The following RNF11 variants were observed in gnomAD, a reference collection of about 807,000 sequenced individuals.
The protein encoded by RNF11 is ring finger protein 11.
In RNF11, 4 loss-of-function variants were observed where a neutral mutation model predicts 15.8. The observed-to-expected ratio is 0.25, with a 90% CI of 0.12 to 0.58. The LOEUF (loss-of-function observed/expected upper bound fraction) is 0.58. RNF11 is among the 20% of genes least tolerant of loss of function. The pLI is 0.91. For synonymous variants in RNF11, 68 were observed against 72.3 expected, an observed-to-expected ratio of 0.94 and a Z score of 0.30; for missense variants, 139 against 194.4, an observed-to-expected ratio of 0.71 and a Z score of 1.70.
At chr1:51,237,071 C>T (rs1646807151) in intron 1 of RNF11, among the ~76,000 whole-genome samples, 192 bp downstream of exon 1, 1 of 152,120 alleles carries the variant, frequency 6.6e-6, no homozygotes. Flanking sequence ...CCCTCGGGCA[C>T]CGTGTGGGGA....
At chr1:51,255,951 C>T (rs574616603) in intron 1 of RNF11, among the ~76,000 whole-genome samples, 10 of 151,972 alleles carry the variant, frequency 6.6e-5, no homozygotes, top group Admixed American at 6.6e-4. Flanking sequence ...ATTCTTAGTC[C>T]CTTGTATTTC....
At chr1:51,258,265 A>T (rs1449569562) in intron 1 of RNF11, among the ~76,000 whole-genome samples, 4 of 152,222 alleles carry the variant, frequency 2.6e-5, no homozygotes, top group African/African-American at 9.6e-5. Flanking sequence ...GGTTGACCAC[A>T]GTTAACTGAA....
At chr1:51,238,135 A>G (rs1021104609) in intron 1 of RNF11, among the ~76,000 whole-genome samples, 10 of 152,130 alleles carry the variant, frequency 6.6e-5, no homozygotes, top group African/African-American at 1.2e-4. Flanking sequence ...GTTTTGCTCC[A>G]GTTCCTCTCT....
At chr1:51,258,438 G>A (rs1646915229) in intron 1 of RNF11, among the ~76,000 whole-genome samples, 1 of 152,160 alleles carries the variant, frequency 6.6e-6, no homozygotes, top group African/African-American at 2.4e-5. Flanking sequence ...TTGGCTCAAA[G>A]GCAGTCACAG....
chr1:51,242,876 C>T (rs1646836465), intron 1 of RNF11, among the ~76,000 whole-genome samples: 1 of 152,124 alleles, frequency 6.6e-6, no homozygotes, highest in African/African-American at 2.4e-5. Flanking sequence ...AAAATATCTC[C>T]AAATTTATTT....
At chr1:51,257,853 C>CTTTTTTTTTTTTTTTTTTTTTTTTT (rs1245365473) in intron 1 of RNF11, among the ~76,000 whole-genome samples, 5 of 91,266 alleles carry the variant, frequency 5.5e-5, no homozygotes, top group African/African-American at 2.4e-4. Flanking sequence ...CTTTTCTTTT[C>CTTTTTTTTTTTTTTTTTTTTTTTTT]TTTTTTTTTT....
intron 1 of RNF11, among the ~76,000 whole-genome samples, chr1:51,243,815 T>C (rs188842454): frequency 3.6e-4 from 55 of 152,340 alleles, no homozygotes; most frequent in Admixed American, 3.2e-3. Context: ...GCTCTACATA[T>C]ACTTTTTCAG....
Position 51,272,081 on chromosome 1 carries a change from C to T in RNF11, c.*759C>T, listed in dbSNP as rs545834885. ...TATTAAGGTGGGGTTTAATATTACC[C>T]TTTCCTATGTGTTTTATCTAATTAT... On this transcript the variant is annotated 3_prime_UTR_variant, in exon 3 of 3. Coordinates refer to ENST00000242719, the MANE Select transcript of RNF11 (RefSeq NM_014372.5). 5 of 152,484 alleles carry T rather than the reference C, an allele frequency of 3.3e-5. No homozygotes were observed. Among genetic ancestry groups the T allele is most frequent in the African/African-American group, 4.8e-5 (2 of 41,390 alleles). The allele number at this position is 152,484 out of a possible 1,614,324, so 9.4% of individuals were successfully genotyped here. A position where few individuals can be genotyped will look rare whatever the true frequency, so the allele number is the denominator to read the frequency against.
chr1:51,267,130 T>C (rs1646958444), intron 1 of RNF11, among the ~76,000 whole-genome samples: 2 of 152,122 alleles, frequency 1.3e-5, no homozygotes, highest in Admixed American at 1.3e-4. Context: ...TCCCAGCTAC[T>C]GGGGAGGCTG....
At chr1:51,240,725 C>G (rs1646825557) in intron 1 of RNF11, among the ~76,000 whole-genome samples, 1 of 152,040 alleles carries the variant, frequency 6.6e-6, no homozygotes. Flanking sequence ...ATTTTTGCTT[C>G]TATATTGTAG....
At position 51,271,199 on chromosome 1, in the gene RNF11, T is replaced by C; in HGVS notation, c.342T>C (p.Phe114=). ...MDFVYGDPIR[F]LPCMHIYHLD... is the part of the protein sequence containing the mutation. ...TTGTTTATGGGGACCCAATTCGATT[T>C]CTGCCGTGCATGCACATCTATCACC... The change falls in exon 3 of 3, where the codon TTT becomes TTC. Residue 114 remains phenylalanine, a synonymous_variant. Coordinates refer to ENST00000242719, the MANE Select transcript of RNF11 (RefSeq NM_014372.5). 6.2e-7 allele frequency: 1 copy of C among 1,614,150 alleles called. No homozygotes were observed. The highest frequency in any genetic ancestry group is 8.5e-7 in the Non-Finnish European group (1 of 1,179,962).
intron 1 of RNF11, among the ~76,000 whole-genome samples, chr1:51,242,042 T>G (rs537527318): frequency 6.6e-6 from 1 of 152,340 alleles, no homozygotes; most frequent in South Asian, 2.1e-4. Flanking sequence ...AGTTATATAG[T>G]TTGAGATTCG....
chr1:51,256,471 GAC>G (rs2148070659), intron 1 of RNF11, among the ~76,000 whole-genome samples: 1 of 152,240 alleles, frequency 6.6e-6, no homozygotes, highest in Non-Finnish European at 1.5e-5. Context: ...CCTATCGAAG[GAC>G]ACCATAGTTA....
At chr1:51,257,572 C>G (rs1471875713) in intron 1 of RNF11, among the ~76,000 whole-genome samples, 2 of 152,124 alleles carry the variant, frequency 1.3e-5, no homozygotes, top group Non-Finnish European at 2.9e-5. Context: ...TCTTGTGCCT[C>G]AGCCTCTCTC....
At chr1:51,240,809 G>GTA (rs1329913780) in intron 1 of RNF11, among the ~76,000 whole-genome samples, 1 of 151,746 alleles carries the variant, frequency 6.6e-6, no homozygotes, top group African/African-American at 2.4e-5. Flanking sequence ...GTCTCTCTCT[G>GTA]TATATATATG....
intron 1 of RNF11, among the ~76,000 whole-genome samples, chr1:51,247,684 CT>C (rs144543984): frequency 0.031 from 4,665 of 152,114 alleles, 105 homozygotes; most frequent in African/African-American, 0.059. Flanking sequence ...TCAAATTGGC[CT>C]TTTGAACTCT....
intron 1 of RNF11, among the ~76,000 whole-genome samples, chr1:51,242,131 C>G (rs1646831910): frequency 6.6e-6 from 1 of 152,148 alleles, no homozygotes; most frequent in Non-Finnish European, 1.5e-5. Context: ...GTTTGTATAG[C>G]ATTGAATGCA....
At position 51,240,418 on chromosome 1, in the gene RNF11, A is replaced by G. The variant is rs138509777; in HGVS notation, c.123+3539A>G. Among the ~76,000 whole-genome samples the G allele has an allele frequency of 4.8e-4, 73 of 152,242 alleles. No homozygotes were observed. The East Asian group carries it at 0.014, about 29-fold the overall frequency. On this transcript the variant is annotated intron_variant, in intron 1 of 2. Coordinates refer to ENST00000242719, the MANE Select transcript of RNF11 (RefSeq NM_014372.5). ...CCTGTTTGAAAGTGCAACCTGCCCT[A>G]ATAACCTGGAAGTCCCTCTCACCCT...
In RNF11 at chr1:51,271,358, A is replaced by AT. The variant is rs1646977843; in HGVS notation, c.*40dup. 1 of 1,556,298 alleles carries AT rather than the reference A, an allele frequency of 6.4e-7. No homozygotes were observed. On this transcript the variant is annotated 3_prime_UTR_variant, in exon 3 of 3. Coordinates refer to ENST00000242719, the MANE Select transcript of RNF11 (RefSeq NM_014372.5). Reference sequence around the variant, plus strand: ...CTTATCTGACTTCAAGTGAACCACCATTTTGGTGGTTTTGATCTTTTGTCA... The same window carrying AT: ...CTTATCTGACTTCAAGTGAACCACCATTTTTGGTGGTTTTGATCTTTTGTCA...
Sources: gnomAD v4.1 joint callset for allele counts (sites outside exome capture counted in the v4.1 genomes callset) on GRCh38, gnomAD v4.1.1 for gene constraint, MANE v1.5 for transcripts, NCBI Gene and HGNC (gene_info 2026-07-23, HGNC 2026-07-21) for gene names.